Variants in GALNT13 observed in about 807,000 individuals in gnomAD.
The protein encoded by GALNT13 is UDP-GalNAc:polypeptide N-acetylgalactosaminyltransferase 13.
A neutral mutation model predicts 64.2 loss-of-function variants in GALNT13; 28 were observed. That is an observed-to-expected ratio of 0.44 (90% CI 0.32 to 0.60). The LOEUF is 0.60. Ranked by LOEUF, GALNT13 falls within the 20% of genes least tolerant of loss-of-function variation. The pLI is 0.05. For missense variants in GALNT13, 577 were observed against 669.8 expected, an observed-to-expected ratio of 0.86 and a Z score of 1.53; for synonymous variants, 214 against 224.6, an observed-to-expected ratio of 0.95 and a Z score of 0.42.
At chr2:153,614,205 TAAC>T in the GALNT13 span, among the ~76,000 whole-genome samples, 2 of 151,816 alleles carry the variant, frequency 1.3e-5, no homozygotes, top group African/African-American at 4.8e-5. Context: ...AAATTAATAA[TAAC>T]ATTAATAATA....
At chr2:154,174,043 A>G (rs995266709) in intron 4 of GALNT13, among the ~76,000 whole-genome samples, 4 of 152,274 alleles carry the variant, frequency 2.6e-5, no homozygotes, top group Middle Eastern at 3.4e-3. Flanking sequence ...TGCTGGGTAT[A>G]TATCCAAAAG....
the GALNT13 span, among the ~76,000 whole-genome samples, chr2:153,523,666 T>C: frequency 1.3e-5 from 2 of 152,216 alleles, no homozygotes; most frequent in African/African-American, 2.4e-5. Context: ...TAACCTTGTA[T>C]CTGGCAATCA....
At position 154,363,150 on chromosome 2, in the gene GALNT13, C is replaced by T. The variant is rs556771556; in HGVS notation, c.1157-32841C>T. 6.6e-5 allele frequency among the ~76,000 whole-genome samples: 10 copies of T among 152,234 alleles called. No homozygotes were observed. In the South Asian group the frequency reaches 1.7e-3, roughly 25 times the overall value. On this transcript the variant is annotated intron_variant, in intron 9 of 12. Coordinates refer to ENST00000392825, the MANE Select transcript of GALNT13 (RefSeq NM_052917.4). The stretch of plus-strand genomic sequence containing the variant: ...ATTGTTTGTTTTGCTAACTTTTTCT[C>T]GCACTGTATTACCTTTCTTGGCTTA...
chr2:153,401,084 C>A, the GALNT13 span, among the ~76,000 whole-genome samples: 1 of 152,046 alleles, frequency 6.6e-6, no homozygotes, highest in Non-Finnish European at 1.5e-5. Flanking sequence ...TTTCCCTCTA[C>A]ACACTGCTTT....
the GALNT13 span, among the ~76,000 whole-genome samples, chr2:153,328,318 G>A: frequency 1.3e-5 from 2 of 152,194 alleles, no homozygotes; most frequent in Non-Finnish European, 2.9e-5. Context: ...TCCCTTAGCA[G>A]ACCTGCAGTG....
the GALNT13 span, among the ~76,000 whole-genome samples, chr2:153,641,686 AGCTTCTGTTAT>A: frequency 6.6e-6 from 1 of 152,158 alleles, no homozygotes; most frequent in Non-Finnish European, 1.5e-5. Context: ...TATGATTATC[AGCTTCTGTTAT>A]GCTGAAACAA....
chr2:153,080,962 T>G, the GALNT13 span, among the ~76,000 whole-genome samples: 1 of 152,168 alleles, frequency 6.6e-6, no homozygotes, highest in South Asian at 2.1e-4. Flanking sequence ...TGCATTTTCC[T>G]TGTATTCACT....
chr2:154,441,215 T>A (rs1701277795), intron 12 of GALNT13, among the ~76,000 whole-genome samples: 4 of 152,090 alleles, frequency 2.6e-5, no homozygotes, highest in Admixed American at 1.3e-4. Context: ...AAGGCATGAA[T>A]ACAATTTGGA....
At chr2:153,878,204 T>C (rs1686524578) in intron 1 of GALNT13, among the ~76,000 whole-genome samples, 1 of 152,208 alleles carries the variant, frequency 6.6e-6, no homozygotes, top group Admixed American at 6.5e-5. Context: ...ATGGAAGAAC[T>C]GAATCTCAAA....
At chr2:153,590,873 G>C in the GALNT13 span, among the ~76,000 whole-genome samples, 1 of 152,084 alleles carries the variant, frequency 6.6e-6, no homozygotes, top group African/African-American at 2.4e-5. Context: ...ACTGAATGGA[G>C]AAATGTTGAA....
chr2:154,444,979 A>G (rs1701492451), intron 12 of GALNT13, among the ~76,000 whole-genome samples: 1 of 152,064 alleles, frequency 6.6e-6, no homozygotes, highest in Admixed American at 6.6e-5. Flanking sequence ...ATAAATACAT[A>G]AAATTATTAG....
At chr2:154,037,266 C>G (rs1046237049) in intron 3 of GALNT13, among the ~76,000 whole-genome samples, 4 of 152,006 alleles carry the variant, frequency 2.6e-5, no homozygotes, top group Admixed American at 6.6e-5. Context: ...AATATATTGC[C>G]TTGGCTGGGT....
the GALNT13 span, among the ~76,000 whole-genome samples, chr2:153,727,987 A>G: frequency 1.3e-5 from 2 of 152,134 alleles, no homozygotes; most frequent in Admixed American, 6.5e-5. Flanking sequence ...GAGTGAGAAC[A>G]TGTGGTGTTT....
chr2:153,131,475 C>G, the GALNT13 span, among the ~76,000 whole-genome samples: 1 of 151,176 alleles, frequency 6.6e-6, no homozygotes, highest in Non-Finnish European at 1.5e-5. Context: ...GAAGAGTGAC[C>G]TGACTGTAAG....
At chr2:154,069,643 G>T (rs1263362150) in intron 3 of GALNT13, among the ~76,000 whole-genome samples, 1 of 151,834 alleles carries the variant, frequency 6.6e-6, no homozygotes, top group African/African-American at 2.4e-5. Context: ...GAAGAAGAAT[G>T]CATATTACCA....
chr2:154,290,296 G>A (rs373008212), intron 8 of GALNT13, among the ~76,000 whole-genome samples: 2 of 152,204 alleles, frequency 1.3e-5, no homozygotes, highest in East Asian at 1.9e-4. Flanking sequence ...CAGGAATGAA[G>A]AGGTCCTCCA....
intron 9 of GALNT13, among the ~76,000 whole-genome samples, chr2:154,357,594 T>C (rs1216608245): frequency 5.3e-5 from 8 of 152,052 alleles, no homozygotes; most frequent in Admixed American, 4.6e-4. Flanking sequence ...ATACCTGACT[T>C]GTATCTTTCC....
At chr2:153,274,782 G>GTTGT in the GALNT13 span, among the ~76,000 whole-genome samples, 1 of 152,160 alleles carries the variant, frequency 6.6e-6, no homozygotes, top group Admixed American at 6.5e-5. Context: ...CCTACTTCCA[G>GTTGT]TTGTTTTCAA....
intron 3 of GALNT13, among the ~76,000 whole-genome samples, chr2:153,977,408 C>G (rs1388325271): frequency 6.6e-6 from 1 of 152,072 alleles, no homozygotes; most frequent in East Asian, 1.9e-4. Context: ...GAAAGGGAAG[C>G]AAACACATCC....
Sources: gnomAD v4.1 joint callset for allele counts (sites outside exome capture counted in the v4.1 genomes callset) on GRCh38, gnomAD v4.1.1 for gene constraint, MANE v1.5 for transcripts, NCBI Gene and HGNC (gene_info 2026-07-23, HGNC 2026-07-21) for gene names.